RBM5: variants seen among roughly 807,000 people sequenced by gnomAD.
The protein encoded by RBM5 is RNA binding motif protein 5, also known as RNA-binding protein 5.
A neutral mutation model predicts 124.6 loss-of-function variants in RBM5; 15 were observed. That is an observed-to-expected ratio of 0.12 (90% CI 0.08 to 0.19). The LOEUF (loss-of-function observed/expected upper bound fraction) is 0.19. Among genes scored for constraint, RBM5 ranks in the 10% least tolerant of loss-of-function variants. The pLI, the probability that RBM5 is intolerant of heterozygous loss-of-function variation, is 1.00. For missense variants in RBM5, 580 were observed against 1,026.5 expected, an observed-to-expected ratio of 0.57 and a Z score of 5.94; for synonymous variants, 337 against 361.2, an observed-to-expected ratio of 0.93 and a Z score of 0.76.
chr3:50,117,097 A>G lies in RBM5; in HGVS notation c.2118A>G (p.Ala706=). The stretch of plus-strand genomic sequence containing the variant: ...AGATGAAATACCGAGACCGAGCTGC[A>G]GAAAGACGGGAGAAGTACGGCATTC... ...EREMKYRDRA[A]ERREKYGIPE... is the part of the protein sequence containing the mutation. Residue 706 remains alanine (A), a synonymous_variant, in exon 23 of 25, where the codon GCA becomes GCG. Transcript: ENST00000347869. The surrounding 1 kb of genome is among the most constrained non-coding windows in gnomAD (Gnocchi z 4.2). 1 of 1,614,214 alleles carries G rather than the reference A, an allele frequency of 6.2e-7. No individual in the cohort carries two copies. The highest frequency in any genetic ancestry group is 8.5e-7 in the Non-Finnish European group (1 of 1,180,024).
Position 50,118,005 on chromosome 3 carries a change from A to G in RBM5, c.2323-326A>G, listed in dbSNP as rs1053768789. The G allele has an allele frequency of 1.7e-5, 6 of 344,554 alleles. No individual in the cohort carries two copies. In the South Asian group the frequency reaches 1.9e-4, roughly 11 times the overall value. The allele number at this position is 344,554 out of a possible 1,614,324, so 21.3% of individuals were successfully genotyped here. ...ATGTGAGTTCTGCTGACATTGAGCT[A>G]TCCTGTATAATGTGTGCCTGTAATT... On this transcript the variant is annotated intron_variant, in intron 24 of 24. Transcript: ENST00000347869.
chr3:50,096,580 G>A (rs538939122), intron 4 of RBM5, among the ~76,000 whole-genome samples: 28 of 152,064 alleles, frequency 1.8e-4, no homozygotes, highest in Admixed American at 1.5e-3. Flanking sequence ...CTAGTGGAGG[G>A]TAAGGAATCT....
intron 2 of RBM5, among the ~76,000 whole-genome samples, chr3:50,090,909 C>G (rs2090690431): frequency 6.6e-6 from 1 of 152,102 alleles, no homozygotes; most frequent in Non-Finnish European, 1.5e-5. Context: ...GTTATTGTTC[C>G]CTGAATAGCA....
chr3:50,095,501 G>A (rs921803952), intron 4 of RBM5, among the ~76,000 whole-genome samples: 3 of 151,936 alleles, frequency 2.0e-5, no homozygotes, highest in Non-Finnish European at 1.5e-5. Context: ...AGTGTACTTG[G>A]CACTGCCTGA....
chr3:50,106,752 C>T lies in RBM5; in HGVS notation c.856-15C>T. On this transcript the variant is annotated splice_polypyrimidine_tract_variant and intron_variant, in intron 10 of 24. Transcript: ENST00000347869. ...AATTGCATTACACGTTTTTTTCCTTCACATTCTCCTTCAGGATGCTTCTCA... is the reference window on the plus strand; with the variant it reads ...AATTGCATTACACGTTTTTTTCCTTTACATTCTCCTTCAGGATGCTTCTCA... 1.3e-6 allele frequency: 2 copies of T among 1,559,642 alleles called. No individual in the cohort carries two copies. The highest frequency in any genetic ancestry group is 1.7e-4 in the Middle Eastern group (1 of 5,928).
At chr3:50,108,510 C>T (rs2091081307) in intron 14 of RBM5, among the ~76,000 whole-genome samples, 1 of 152,064 alleles carries the variant, frequency 6.6e-6, no homozygotes, top group African/African-American at 2.4e-5. Context: ...AGTTCAAGAC[C>T]AGCCTGGCCA....
intron 13 of RBM5, 34 bp downstream of exon 13, chr3:50,108,181 C>T: frequency 6.2e-7 from 1 of 1,601,758 alleles, no homozygotes; most frequent in East Asian, 2.2e-5. Flanking sequence ...ACCTTATAGT[C>T]TTGCAGAGTG....
At position 50,102,881 on chromosome 3, in the gene RBM5, C is replaced by T. The variant is rs2090967252; in HGVS notation, c.484-202C>T. 9 of 554,004 alleles carry T rather than the reference C, an allele frequency of 1.6e-5. 1 individual carries two copies. Among genetic ancestry groups the T allele is most frequent in the East Asian group, 9.5e-5 (3 of 31,628 alleles). The allele number at this position is 554,004 out of a possible 1,614,324, so 34.3% of individuals were successfully genotyped here. ...CAGCTTTCTCAGCACTCCCTGACTC[C>T]GTTTACCTTTACTCCGCATCCCATT... is the stretch of plus-strand genomic sequence containing the variant. On this transcript the variant is annotated intron_variant, in intron 6 of 24. Coordinates refer to ENST00000347869, the MANE Select transcript of RBM5 (RefSeq NM_005778.4).
intron 7 of RBM5, among the ~76,000 whole-genome samples, chr3:50,103,612 C>T (rs2090980642): frequency 6.6e-6 from 1 of 152,146 alleles, no homozygotes; most frequent in Admixed American, 6.5e-5. Context: ...CGCCACTGCA[C>T]TCTAGCCTGG....
At chr3:50,107,097 GCAGATGGGTT>G in intron 11 of RBM5, 1 of 680,802 alleles carries the variant, frequency 1.5e-6, no homozygotes, top group Non-Finnish European at 2.7e-6. Flanking sequence ...GGCAAGTATG[GCAGATGGGTT>G]GAGAACACAT....
intron 6 of RBM5, chr3:50,101,108 T>C (rs2090930299): frequency 6.6e-6 from 1 of 152,008 alleles, no homozygotes; most frequent in Non-Finnish European, 1.5e-5. Flanking sequence ...ATAAGTCTGA[T>C]GAGATTAGCC....
Position 50,093,397 on chromosome 3 carries a change from G to A in RBM5, c.184-323G>A, listed in dbSNP as rs555634779. 2.0e-5 allele frequency among the ~76,000 whole-genome samples: 3 copies of A among 149,242 alleles called. No individual in the cohort carries two copies. In the Admixed American group the frequency reaches 2.0e-4, roughly 10 times the overall value. On this transcript the variant is annotated intron_variant, in intron 3 of 24. Coordinates refer to ENST00000347869, the MANE Select transcript of RBM5 (RefSeq NM_005778.4). ...GAGGTTGCAGTGAGCAGAGATCATC[G>A]CACCACTGCACTCCAGTCTGGGCAA...
rs1416219225 is a variant in RBM5, at chr3:50,099,966, G to A, written c.340-16G>A. ...GGCAAAAGCTTTAACTGTAAATAAT[G>A]TAAAACCCTGTGCAGATTCGAGAAA... On this transcript the variant is annotated splice_polypyrimidine_tract_variant and intron_variant, in intron 4 of 24. Coordinates refer to ENST00000347869, the MANE Select transcript of RBM5 (RefSeq NM_005778.4). 6.2e-7 allele frequency: 1 copy of A among 1,611,282 alleles called. No individual in the cohort carries two copies. Among genetic ancestry groups the A allele is most frequent in the Non-Finnish European group, 8.5e-7 (1 of 1,178,494 alleles).
chr3:50,110,491 C>T (rs761872729), intron 16 of RBM5, 28 bp downstream of exon 16: 5 of 1,593,314 alleles, frequency 3.1e-6, no homozygotes, highest in African/African-American at 1.3e-5. Context: ...GGGCTGTTGA[C>T]AGTTGGAAGG....
rs145241894 is a variant in RBM5, at chr3:50,107,722, C to T, written c.1041+153C>T. ...TTTTTTTGAGACAGAGTATCACTCT[C>T]GTCACCCGGGCTGGAGTGCAATGGT... On this transcript the variant is annotated intron_variant, in intron 12 of 24. Transcript: ENST00000347869. Among the ~76,000 whole-genome samples, 7 of 112,970 alleles carry T rather than the reference C, an allele frequency of 6.2e-5. No homozygotes were observed. The South Asian group carries it at 1.9e-3, about 30-fold the overall frequency. The allele number at this position is 112,970 out of a possible 152,430, so 74.1% of individuals were successfully genotyped here.
At chr3:50,113,183 TC>T (rs2091180104) in intron 17 of RBM5, 199 bp from the exon 18 acceptor site, 1 of 446,072 alleles carries the variant, frequency 2.2e-6, no homozygotes, top group Non-Finnish European at 4.0e-6. Flanking sequence ...GAAATCATAT[TC>T]TATTTTTACT....
chr3:50,109,714 A>G (rs377519202), intron 15 of RBM5, 26 bp downstream of exon 15: 5 of 1,588,254 alleles, frequency 3.1e-6, no homozygotes, highest in African/African-American at 1.4e-5. Context: ...TATATACAAA[A>G]CTCGTGGCTG....
intron 7 of RBM5, among the ~76,000 whole-genome samples, chr3:50,103,659 G>A (rs1046046819): frequency 1.3e-5 from 2 of 152,008 alleles, no homozygotes; most frequent in African/African-American, 4.8e-5. Flanking sequence ...AAACAAAAAA[G>A]GACAACAAAA....
In RBM5 at chr3:50,090,468, C is replaced by G. The variant is rs533730683; in HGVS notation, c.17+17C>G. On this transcript the variant is annotated intron_variant, in intron 2 of 24. Coordinates refer to ENST00000347869, the MANE Select transcript of RBM5 (RefSeq NM_005778.4). ...AGACAAAAGGTAAGTTACTACAGTA[C>G]GTGGCTTTGATCTCAACATTTCAGT... 6.2e-6 allele frequency: 10 copies of G among 1,613,554 alleles called. No homozygotes were observed. The highest frequency in any genetic ancestry group is 1.6e-4 in the Middle Eastern group (1 of 6,082).
Sources: gnomAD v4.1 joint callset for allele counts (sites outside exome capture counted in the v4.1 genomes callset) on GRCh38, gnomAD v4.1.1 for gene constraint, Gnocchi (gnomAD v3.1) non-coding constraint, MANE v1.5 for transcripts, NCBI Gene and HGNC (gene_info 2026-07-23, HGNC 2026-07-21) for gene names.